RASA3: variants seen among roughly 807,000 people sequenced by gnomAD.
RASA3 encodes the protein ras GTPase-activating protein 3.
In RASA3, 73 loss-of-function variants were observed where a neutral mutation model predicts 110.0. The ratio of observed to expected loss-of-function variants is 0.66; its 90% CI spans 0.55 to 0.81. The LOEUF (loss-of-function observed/expected upper bound fraction) is 0.81, where lower values mean the gene tolerates loss of function less well. Among genes scored for constraint, RASA3 ranks in the 30% least tolerant of loss-of-function variants. The pLI is 0.00. For missense variants in RASA3, 976 were observed against 1,113.2 expected (o/e 0.88, Z 1.75); for synonymous variants, 500 against 451.4 (o/e 1.11, Z -1.37).
At chr13:114,130,757 C>T (rs551914159) in intron 1 of RASA3, among the ~76,000 whole-genome samples, 56 of 152,332 alleles carry the variant, frequency 3.7e-4, no homozygotes, top group African/African-American at 1.3e-3. Flanking sequence ...ACCCCCGAGC[C>T]GCAAAGCCCC....
At chr13:114,045,167 T>G (rs957566897) in intron 3 of RASA3, among the ~76,000 whole-genome samples, 2 of 152,220 alleles carry the variant, frequency 1.3e-5, no homozygotes, top group African/African-American at 4.8e-5. Context: ...TATCTCCAGA[T>G]GCTGACCTGA....
chr13:114,013,599 T>A (rs2053698081), intron 14 of RASA3, among the ~76,000 whole-genome samples: 1 of 127,890 alleles, frequency 7.8e-6, no homozygotes, highest in African/African-American at 3.3e-5. Context: ...TCTCTCCGTC[T>A]CTGGCTCTCT....
At position 114,012,141 on chromosome 13, in the gene RASA3, T is replaced by G. The variant is rs142742347; in HGVS notation, c.1513-893A>C. Among the ~76,000 whole-genome samples, 10 of 152,042 alleles carry G rather than the reference T, an allele frequency of 6.6e-5. No individual in the cohort carries two copies. The East Asian group carries it at 1.4e-3, about 21-fold the overall frequency. On this transcript the variant is annotated intron_variant, in intron 15 of 23. Coordinates refer to ENST00000334062, the MANE Select transcript of RASA3 (RefSeq NM_007368.4). ...TGATACGCCGATCATCAATACTCCA[T>G]ATGTGATGGGCAGGGGAGGAGAGCA... is the stretch of plus-strand genomic sequence containing the variant.
At chr13:114,058,764 G>A (rs766174634) in intron 2 of RASA3, among the ~76,000 whole-genome samples, 21 of 152,238 alleles carry the variant, frequency 1.4e-4, no homozygotes, top group Non-Finnish European at 2.5e-4. Context: ...AGGTGACCCT[G>A]CCCCTCGCAG....
intron 3 of RASA3, among the ~76,000 whole-genome samples, chr13:114,051,058 T>C (rs889798233): frequency 1.3e-5 from 2 of 152,202 alleles, no homozygotes; most frequent in East Asian, 1.9e-4. Flanking sequence ...GAGCGTCAGA[T>C]GGACCGGGAC....
At chr13:114,034,054 T>C (rs563733273) in intron 4 of RASA3, among the ~76,000 whole-genome samples, 6 of 151,044 alleles carry the variant, frequency 4.0e-5, no homozygotes, top group Non-Finnish European at 5.9e-5. Flanking sequence ...TGGCTATCCA[T>C]GGGCTAAAGG....
chr13:114,027,832 C>G lies in RASA3; in HGVS notation c.530+15G>C. On this transcript the variant is annotated intron_variant, in intron 6 of 23. Coordinates refer to ENST00000334062, the MANE Select transcript of RASA3 (RefSeq NM_007368.4). ...CCAGGACCAGAACAGAAACCTGAAG[C>G]GTGAGGCAACTTGCCTGAAGGGTCC... 6.2e-7 allele frequency: 1 copy of G among 1,612,244 alleles called. No individual in the cohort carries two copies. Among genetic ancestry groups the G allele is most frequent in the Non-Finnish European group, 8.5e-7 (1 of 1,178,502 alleles).
intron 18 of RASA3, among the ~76,000 whole-genome samples, chr13:114,002,944 C>T (rs761845720): frequency 6.6e-6 from 1 of 152,222 alleles, no homozygotes; most frequent in Non-Finnish European, 1.5e-5. Flanking sequence ...GTCCTGTGTC[C>T]CAGTGGGTGA....
At chr13:114,018,011 G>A in intron 11 of RASA3, 93 bp downstream of exon 11, 1 of 1,354,030 alleles carries the variant, frequency 7.4e-7, no homozygotes, top group Non-Finnish European at 9.7e-7. Flanking sequence ...ATTCCCTCAA[G>A]CCCTGCCCCA....
Position 114,018,162 on chromosome 13 carries a change from A to T in RASA3, c.1033T>A (p.Tyr345Asn). ...CTGATGAATGGCACCACCCTGCCAT[A>T]GTGTAGGAAGAGCCGCACCAGCGGG... ...AVPLVRLFLH[Y>N]GRVVPFISAI... Residue 345 changes from tyrosine (Y) to asparagine (N), a missense_variant, in exon 11 of 24, where the codon TAT (tyrosine) becomes AAT (asparagine). Coordinates refer to ENST00000334062, the MANE Select transcript of RASA3 (RefSeq NM_007368.4). 1 of 1,550,804 alleles carries T rather than the reference A, an allele frequency of 6.4e-7. No individual in the cohort carries two copies. The highest frequency in any genetic ancestry group is 2.4e-5 in the East Asian group (1 of 40,926).
At position 114,114,809 on chromosome 13, in the gene RASA3, C is replaced by T. The variant is rs2080257242; in HGVS notation, c.55+17626G>A. Among the ~76,000 whole-genome samples the T allele has an allele frequency of 6.6e-6, 1 of 152,224 alleles. No individual in the cohort carries two copies. Among genetic ancestry groups the T allele is most frequent in the South Asian group, 2.1e-4 (1 of 4,838 alleles). On this transcript the variant is annotated intron_variant, in intron 1 of 23. Transcript: ENST00000334062. The surrounding 1 kb of genome is among the most constrained non-coding windows in gnomAD (Gnocchi z 4.8). ...TTTTTCAACCACCCGCCCTCATGTG[C>T]AGGGACAGGGCAGAGTCGTGACCAA...
intron 1 of RASA3, among the ~76,000 whole-genome samples, chr13:114,081,999 T>A (rs2079794594): frequency 6.6e-6 from 1 of 152,170 alleles, no homozygotes. Flanking sequence ...ACAGGACAAA[T>A]GCCTGGACCC....
intron 21 of RASA3, among the ~76,000 whole-genome samples, chr13:113,996,138 C>T (rs1035311138): frequency 2.0e-5 from 3 of 151,366 alleles, no homozygotes; most frequent in East Asian, 3.9e-4. Context: ...CAACGGGCTG[C>T]TGCGTCATGT....
At chr13:114,094,767 TTTTA>T (rs2079923590) in intron 1 of RASA3, among the ~76,000 whole-genome samples, 2 of 152,248 alleles carry the variant, frequency 1.3e-5, no homozygotes, top group African/African-American at 4.8e-5. Context: ...ATTGTATTAT[TTTTA>T]TTTATGCATT....
At chr13:114,070,341 C>T (rs953365104) in intron 2 of RASA3, among the ~76,000 whole-genome samples, 1 of 152,062 alleles carries the variant, frequency 6.6e-6, no homozygotes, top group Non-Finnish European at 1.5e-5. Flanking sequence ...GCAGCCCTGC[C>T]TGACACCTGC....
intron 9 of RASA3, among the ~76,000 whole-genome samples, chr13:114,021,165 G>T (rs1046125128): frequency 2.6e-5 from 4 of 152,246 alleles, no homozygotes; most frequent in African/African-American, 4.8e-5. Flanking sequence ...GCCAGCCATT[G>T]TGAGTCCCTG....
At chr13:114,095,048 A>G (rs904183011) in intron 1 of RASA3, among the ~76,000 whole-genome samples, 9 of 152,226 alleles carry the variant, frequency 5.9e-5, no homozygotes, top group Admixed American at 4.6e-4. Flanking sequence ...CTTTCATTTT[A>G]ATTCATGAAA....
chr13:114,020,297 G>A (rs189346849), intron 9 of RASA3, among the ~76,000 whole-genome samples: 3 of 152,240 alleles, frequency 2.0e-5, no homozygotes, highest in African/African-American at 7.2e-5. Flanking sequence ...CTGTGTCTGA[G>A]GCATTAGCCG....
chr13:114,102,296 AG>A (rs1341744063), intron 1 of RASA3, among the ~76,000 whole-genome samples: 1 of 152,150 alleles, frequency 6.6e-6, no homozygotes, highest in Admixed American at 6.5e-5. Context: ...AGCCCCAGCC[AG>A]GAGCCCAGAG....
Sources: gnomAD v4.1 joint callset for allele counts (sites outside exome capture counted in the v4.1 genomes callset) on GRCh38, gnomAD v4.1.1 for gene constraint, Gnocchi (gnomAD v3.1) non-coding constraint, MANE v1.5 for transcripts, NCBI Gene and HGNC (gene_info 2026-07-23, HGNC 2026-07-21) for gene names.